The following SHANK2 variants were observed in gnomAD, a reference collection of about 807,000 sequenced individuals.
The protein encoded by SHANK2 is SH3 and multiple ankyrin repeat domains 2.
SHANK2 carries 43 observed loss-of-function variants against 133.7 expected under a neutral mutation model. The ratio of observed to expected loss-of-function variants is 0.32; its 90% CI spans 0.25 to 0.41. SHANK2 has a LOEUF of 0.41. SHANK2 is among the 10% of genes least tolerant of loss of function. The pLI is 1.00. For missense variants in SHANK2, 1,994 were observed against 2,235.8 expected (o/e 0.89, Z 2.18); for synonymous variants, 1,017 against 952.8 (o/e 1.07, Z -1.24).
intron 15 of SHANK2, among the ~76,000 whole-genome samples, chr11:70,688,322 G>A (rs868962097): frequency 2.6e-5 from 4 of 152,178 alleles, no homozygotes; most frequent in South Asian, 2.1e-4. Context: ...TTGGTCTGGG[G>A]CCAAGGTCCA....
At chr11:70,583,188 A>G (rs1386643872) in intron 17 of SHANK2, among the ~76,000 whole-genome samples, 1 of 152,156 alleles carries the variant, frequency 6.6e-6, no homozygotes, top group Non-Finnish European at 1.5e-5. Flanking sequence ...CTACGGGCTC[A>G]GGTATGGCTC....
chr11:71,253,180 G>C (rs750046025), upstream of SHANK2, among the ~76,000 whole-genome samples: 2 of 152,158 alleles, frequency 1.3e-5, no homozygotes, highest in Non-Finnish European at 2.9e-5. Context: ...CCAACGGCTC[G>C]GGTGAATCCC....
intron 11 of SHANK2, among the ~76,000 whole-genome samples, chr11:70,871,677 T>G (rs1949467663): frequency 6.6e-6 from 1 of 152,164 alleles, no homozygotes. Context: ...AAAGAGTTCA[T>G]GTTGAAAGGC....
At chr11:71,097,326 G>T (rs1951634202) in intron 6 of SHANK2, among the ~76,000 whole-genome samples, 1 of 152,036 alleles carries the variant, frequency 6.6e-6, no homozygotes. Flanking sequence ...CTATAAACCG[G>T]TGACAGATAT....
chr11:71,221,387 C>A (rs1049386789), intron 2 of SHANK2, among the ~76,000 whole-genome samples: 1 of 152,102 alleles, frequency 6.6e-6, no homozygotes, highest in Non-Finnish European at 1.5e-5. Context: ...GAGACGGTGG[C>A]CGGAGCGCAG....
intron 2 of SHANK2, among the ~76,000 whole-genome samples, chr11:71,190,570 C>A (rs552584493): frequency 8.4e-4 from 128 of 152,336 alleles, no homozygotes; most frequent in African/African-American, 3.1e-3. Flanking sequence ...AGAGAAAGTG[C>A]GTCACCACCC....
chr11:70,698,425 G>A (rs1297520011), intron 15 of SHANK2, among the ~76,000 whole-genome samples: 1 of 152,262 alleles, frequency 6.6e-6, no homozygotes, highest in Non-Finnish European at 1.5e-5. Flanking sequence ...GCATGCTTTC[G>A]CAAAAACAAT....
intron 2 of SHANK2, among the ~76,000 whole-genome samples, chr11:71,150,839 C>T (rs79193343): frequency 0.05 from 7,655 of 152,118 alleles, 390 homozygotes; most frequent in African/African-American, 0.13. Context: ...GATGACAGCA[C>T]GAGCCAAGAA....
chr11:71,210,218 A>ATATATATG (rs1954230353), intron 2 of SHANK2, among the ~76,000 whole-genome samples: 1 of 52,212 alleles, frequency 1.9e-5, no homozygotes, highest in African/African-American at 9.3e-5. Flanking sequence ...AGGTATATAT[A>ATATATATG]TATATATATA....
At chr11:70,543,390 C>T (rs953902246) in intron 17 of SHANK2, among the ~76,000 whole-genome samples, 5 of 152,252 alleles carry the variant, frequency 3.3e-5, no homozygotes, top group East Asian at 3.9e-4. Flanking sequence ...TGGAATTTTC[C>T]GCCCTGCCCT....
chr11:71,082,732 G>C (rs1040585321), intron 8 of SHANK2, among the ~76,000 whole-genome samples: 3 of 152,232 alleles, frequency 2.0e-5, no homozygotes, highest in African/African-American at 7.2e-5. Flanking sequence ...GGGCAGCCTG[G>C]AGCAGGAGGA....
At chr11:70,770,297 G>C (rs1361368199) in intron 14 of SHANK2, among the ~76,000 whole-genome samples, 1 of 152,224 alleles carries the variant, frequency 6.6e-6, no homozygotes, top group Non-Finnish European at 1.5e-5. Context: ...CTGATAGTAG[G>C]AATCTTGTAT....
chr11:70,797,671 G>C (rs941470390), intron 14 of SHANK2, among the ~76,000 whole-genome samples: 1 of 152,310 alleles, frequency 6.6e-6, no homozygotes, highest in East Asian at 1.9e-4. Flanking sequence ...GAGGCGGCAG[G>C]CTCCGCACAA....
chr11:70,516,694 A>C (rs7121492), intron 17 of SHANK2, among the ~76,000 whole-genome samples: 99 of 152,258 alleles, frequency 6.5e-4, no homozygotes, highest in Non-Finnish European at 1.2e-3. Context: ...TTTGCAAAAC[A>C]AACACTTATC....
intron 17 of SHANK2, among the ~76,000 whole-genome samples, chr11:70,542,793 G>A (rs781811984): frequency 3.2e-4 from 48 of 152,192 alleles, no homozygotes; most frequent in Non-Finnish European, 5.3e-4. Context: ...CTGTACCCTG[G>A]CGGGGTTTCC....
At chr11:70,944,240 A>G (rs555735543) in intron 10 of SHANK2, among the ~76,000 whole-genome samples, 1 of 152,336 alleles carries the variant, frequency 6.6e-6, no homozygotes, top group Non-Finnish European at 1.5e-5. Flanking sequence ...TCTGGCAATC[A>G]CTGTTGCCTG....
intron 8 of SHANK2, among the ~76,000 whole-genome samples, chr11:71,086,945 G>C (rs1268578736): frequency 6.6e-6 from 1 of 152,158 alleles, no homozygotes; most frequent in Non-Finnish European, 1.5e-5. Context: ...ATGGCTTTCC[G>C]GGCCTTTCAT....
intron 10 of SHANK2, among the ~76,000 whole-genome samples, chr11:70,912,384 G>C (rs1555079182): frequency 6.6e-6 from 1 of 152,128 alleles, no homozygotes; most frequent in African/African-American, 2.4e-5. Context: ...ATTCCTACAT[G>C]TTGTGGGAGG....
chr11:71,167,078 CAT>C (rs1348744836), intron 2 of SHANK2, among the ~76,000 whole-genome samples: 7 of 151,676 alleles, frequency 4.6e-5, no homozygotes, highest in African/African-American at 1.7e-4. Context: ...GGACACAGCA[CAT>C]GTTTCAGATA....
Sources: allele counts gnomAD v4.1 joint callset (sites outside exome capture counted in the v4.1 genomes callset), GRCh38; gene constraint gnomAD v4.1.1; transcripts MANE v1.5; gene names NCBI Gene and HGNC (gene_info 2026-07-23, HGNC 2026-07-21).